The following DENND1B variants were observed in gnomAD, a reference collection of about 807,000 sequenced individuals.
DENND1B encodes DENN domain-containing protein 1B.
DENND1B carries 59 observed loss-of-function variants against 90.1 expected under a neutral mutation model. The ratio of observed to expected loss-of-function variants is 0.65; its 90% confidence interval spans 0.53 to 0.81. The LOEUF (loss-of-function observed/expected upper bound fraction) is 0.81, where lower values mean the gene tolerates loss of function less well. DENND1B is among the 40% of genes least tolerant of loss of function. DENND1B has a pLI of 0.00. For synonymous variants in DENND1B, 337 were observed against 324.6 expected (o/e 1.04, Z -0.41); for missense variants, 862 against 912.6 (o/e 0.94, Z 0.71).
intron 2 of DENND1B, chr1:197,735,349 C>T (rs552742041): frequency 1.6e-4 from 212 of 1,320,074 alleles, no homozygotes; most frequent in African/African-American, 8.2e-4. Flanking sequence ...CTACACAGCT[C>T]CACCTTGGCT....
In DENND1B at chr1:197,510,186, C is replaced by T. The variant is rs908604842; in HGVS notation, c.*274G>A. The T allele has an allele frequency of 1.4e-4, 54 of 380,444 alleles. No individual in the cohort carries two copies. The highest frequency in any genetic ancestry group is 9.6e-4 in the Admixed American group (22 of 22,994). 23.6% of individuals were successfully genotyped at this position (380,444 alleles called of 1,614,324 possible). On this transcript the variant is annotated 3_prime_UTR_variant, in exon 23 of 23. Transcript: ENST00000620048. ...GCATTCTTAGCTTAAATAAAATAAA[C>T]GGCATTAAGCACCAAACACTGGGAA...
At chr1:197,764,715 T>C (rs1299321454) in intron 2 of DENND1B, among the ~76,000 whole-genome samples, 2 of 152,096 alleles carry the variant, frequency 1.3e-5, no homozygotes, top group African/African-American at 2.4e-5. Context: ...ATTAAAATGT[T>C]CCCTTAAAAA....
chr1:197,617,374 A>C (rs1466238532), intron 11 of DENND1B, among the ~76,000 whole-genome samples: 1 of 151,132 alleles, frequency 6.6e-6, no homozygotes, highest in Non-Finnish European at 1.5e-5. Context: ...AGTTTTCCTA[A>C]CACAACTTAA....
chr1:197,695,297 T>C (rs76729169), intron 3 of DENND1B, among the ~76,000 whole-genome samples: 2,529 of 151,150 alleles, frequency 0.017, 73 homozygotes, highest in African/African-American at 0.058. Context: ...CATAAGAATA[T>C]ACCAATAGTA....
the DENND1B span, among the ~76,000 whole-genome samples, chr1:197,780,872 T>G: frequency 6.6e-6 from 1 of 152,100 alleles, no homozygotes; most frequent in Non-Finnish European, 1.5e-5. Context: ...GTCCCCAACT[T>G]ATATATCCCT....
intron 20 of DENND1B, among the ~76,000 whole-genome samples, chr1:197,529,401 C>T (rs900760267): frequency 6.6e-6 from 1 of 150,484 alleles, no homozygotes; most frequent in South Asian, 2.1e-4. Flanking sequence ...TGTGCATATG[C>T]GTGTGCCAGG....
intron 10 of DENND1B, among the ~76,000 whole-genome samples, chr1:197,634,542 G>A (rs1275696472): frequency 3.9e-5 from 6 of 152,142 alleles, no homozygotes; most frequent in Non-Finnish European, 5.9e-5. Flanking sequence ...AGTCATAACT[G>A]CAATACAAAT....
At chr1:197,755,123 G>A (rs1307367695) in intron 2 of DENND1B, among the ~76,000 whole-genome samples, 1 of 152,096 alleles carries the variant, frequency 6.6e-6, no homozygotes, top group African/African-American at 2.4e-5. Flanking sequence ...AGTCTCTCAA[G>A]TTACTATACT....
intron 10 of DENND1B, among the ~76,000 whole-genome samples, 163 bp downstream of exon 10, chr1:197,642,548 C>G (rs562956073): frequency 2.6e-5 from 4 of 152,250 alleles, no homozygotes; most frequent in Admixed American, 2.6e-4. Context: ...TCCTATAAAT[C>G]AGACTTTTGT....
intron 15 of DENND1B, among the ~76,000 whole-genome samples, chr1:197,561,216 C>T (rs1672134942): frequency 6.6e-6 from 1 of 151,898 alleles, no homozygotes; most frequent in Non-Finnish European, 1.5e-5. Context: ...TCCTCTCATG[C>T]TTCAATCACA....
At chr1:197,534,958 G>A (rs1487882223) in intron 20 of DENND1B, among the ~76,000 whole-genome samples, 1 of 152,132 alleles carries the variant, frequency 6.6e-6, no homozygotes, top group Admixed American at 6.5e-5. Context: ...ATAACATACT[G>A]TATCATATTT....
At chr1:197,687,027 T>C (rs1657317916) in intron 3 of DENND1B, among the ~76,000 whole-genome samples, 1 of 152,210 alleles carries the variant, frequency 6.6e-6, no homozygotes, top group African/African-American at 2.4e-5. Flanking sequence ...ATAATTGATA[T>C]GATACAAATA....
At chr1:197,603,799 TTTAAA>T (rs1676420158) in intron 13 of DENND1B, among the ~76,000 whole-genome samples, 1 of 151,308 alleles carries the variant, frequency 6.6e-6, no homozygotes, top group African/African-American at 2.4e-5. Flanking sequence ...AGAAATATAT[TTTAAA>T]TTATTATGCA....
chr1:197,697,392 A>G (rs568137698), intron 3 of DENND1B, among the ~76,000 whole-genome samples: 1 of 151,910 alleles, frequency 6.6e-6, no homozygotes, highest in Non-Finnish European at 1.5e-5. Context: ...TACAACTTCA[A>G]ATCATGAATT....
At chr1:197,603,334 G>A (rs957607399) in intron 13 of DENND1B, among the ~76,000 whole-genome samples, 56 of 150,948 alleles carry the variant, frequency 3.7e-4, no homozygotes, top group African/African-American at 1.2e-3. Context: ...TATATGAAAG[G>A]GACCATGGTC....
chr1:197,546,111 A>T (rs1256286082), intron 17 of DENND1B, 121 bp from the exon 18 acceptor site: 2 of 616,074 alleles, frequency 3.2e-6, no homozygotes, highest in African/African-American at 3.5e-5. Context: ...AAAGACCTAT[A>T]CAAATTATTT....
At chr1:197,607,052 C>G in intron 13 of DENND1B, 21 bp downstream of exon 13, 1 of 1,558,836 alleles carries the variant, frequency 6.4e-7, no homozygotes. Context: ...ATGTTCACCA[C>G]TGAATAGCCT....
At chr1:197,595,450 C>G (rs1675599649) in intron 13 of DENND1B, 117 bp from the exon 14 acceptor site, 5 of 1,258,330 alleles carry the variant, frequency 4.0e-6, no homozygotes. Context: ...TCATCCTCCT[C>G]CCTGATAGCT....
At chr1:197,555,149 G>A (rs1196828274) in intron 15 of DENND1B, among the ~76,000 whole-genome samples, 1 of 151,850 alleles carries the variant, frequency 6.6e-6, no homozygotes, top group East Asian at 1.9e-4. Flanking sequence ...TGAAACTGGA[G>A]TCTTACATCT....
Sources: gnomAD v4.1 joint callset for allele counts (sites outside exome capture counted in the v4.1 genomes callset) on GRCh38, gnomAD v4.1.1 for gene constraint, MANE v1.5 for transcripts, NCBI Gene and HGNC (gene_info 2026-07-23, HGNC 2026-07-21) for gene names.